CERS6: variants seen among roughly 807,000 people sequenced by gnomAD.
CERS6 encodes ceramide synthase 6.
In CERS6, 26 loss-of-function variants were observed where a neutral mutation model predicts 56.8. The observed-to-expected ratio is 0.46, with a 90% CI of 0.34 to 0.63. CERS6 has a LOEUF of 0.63. Among genes scored for constraint, CERS6 ranks in the 30% least tolerant of loss-of-function variants. CERS6 has a pLI of 0.01. For synonymous variants in CERS6, 164 were observed against 173.3 expected, an observed-to-expected ratio of 0.95 and a Z score of 0.42; for missense variants, 415 against 467.5, an observed-to-expected ratio of 0.89 and a Z score of 1.04.
chr2:168,606,070 G>A (rs1264863056), intron 3 of CERS6, among the ~76,000 whole-genome samples: 2 of 152,210 alleles, frequency 1.3e-5, no homozygotes, highest in Admixed American at 1.3e-4. Flanking sequence ...ACCTGGAAAA[G>A]CTGCAGTGCT....
intron 4 of CERS6, among the ~76,000 whole-genome samples, chr2:168,676,946 G>T (rs1236080924): frequency 1.3e-5 from 2 of 149,328 alleles, no homozygotes; most frequent in African/African-American, 5.0e-5. Context: ...CCACTGTCTT[G>T]TTTCCTGCTA....
At chr2:168,657,528 C>CA (rs1465642946) in intron 4 of CERS6, among the ~76,000 whole-genome samples, 1 of 152,236 alleles carries the variant, frequency 6.6e-6, no homozygotes, top group East Asian at 1.9e-4. Context: ...CACAGGAGCC[C>CA]ATGGAGTGGG....
intron 4 of CERS6, among the ~76,000 whole-genome samples, chr2:168,657,605 G>A (rs549684357): frequency 1.3e-5 from 2 of 152,220 alleles, no homozygotes; most frequent in African/African-American, 4.8e-5. Context: ...GCCAAGGCCC[G>A]GCGAGAAATC....
chr2:168,628,616 G>T (rs1034597696), intron 3 of CERS6, among the ~76,000 whole-genome samples: 3 of 152,168 alleles, frequency 2.0e-5, no homozygotes, highest in African/African-American at 7.2e-5. Context: ...AAGATATGGG[G>T]TGGGAGATTC....
chr2:168,744,241 A>G (rs973784317), intron 8 of CERS6, among the ~76,000 whole-genome samples: 12 of 151,824 alleles, frequency 7.9e-5, no homozygotes, highest in East Asian at 1.9e-4. Flanking sequence ...TCCTGACCTC[A>G]TGATCCGCCC....
chr2:168,695,000 G>C lies in CERS6; in HGVS notation c.558G>C (p.Leu186=), dbSNP rs751342702. ...TTCACTACTATTACATCCTGGAGCT[G>C]TCGTTTTATTGGTCTTTGATGTTTT... ...TDLHYYYILE[L]SFYWSLMFSQ... The change falls in exon 6 of 10, where the codon CTG becomes CTC. Residue 186 remains leucine (L), a synonymous_variant. Coordinates refer to ENST00000305747, the MANE Select transcript of CERS6 (RefSeq NM_203463.3). 9 of 1,613,476 alleles carry C rather than the reference G, an allele frequency of 5.6e-6. No homozygotes were observed. In the East Asian group the frequency reaches 1.3e-4, roughly 24 times the overall value.
Position 168,773,369 on chromosome 2 carries a change from T to C in CERS6, c.*3707T>C, listed in dbSNP as rs1684915690. ...AATCCTTTGGAAATAAAAAGTTAAATGTTTACATTTCATGTGGTATTTCAG... is the reference window on the plus strand; with the variant it reads ...AATCCTTTGGAAATAAAAAGTTAAACGTTTACATTTCATGTGGTATTTCAG... On this transcript the variant is annotated 3_prime_UTR_variant, in exon 10 of 10. Coordinates refer to ENST00000305747, the MANE Select transcript of CERS6 (RefSeq NM_203463.3). The C allele has an allele frequency of 6.6e-6, 1 of 152,250 alleles. No homozygotes were observed. The highest frequency in any genetic ancestry group is 6.5e-5 in the Admixed American group (1 of 15,284). 9.4% of individuals were successfully genotyped at this position (152,250 alleles called of 1,614,324 possible).
intron 6 of CERS6, among the ~76,000 whole-genome samples, chr2:168,699,440 C>T (rs1408756662): frequency 6.6e-6 from 1 of 152,150 alleles, no homozygotes; most frequent in Non-Finnish European, 1.5e-5. Flanking sequence ...CATTTTCAAA[C>T]AGGGACCAGG....
chr2:168,517,023 G>T (rs1200418783), intron 1 of CERS6, among the ~76,000 whole-genome samples: 3 of 152,028 alleles, frequency 2.0e-5, no homozygotes, highest in Non-Finnish European at 4.4e-5. Context: ...TGTTTAATGG[G>T]TGTTGTTTGG....
rs1336375823 is a variant in CERS6 at position 168,456,597 on chromosome 2, T to C, written c.149T>C (p.Met50Thr). 3.1e-5 allele frequency: 50 copies of C among 1,613,688 alleles called. No individual in the cohort carries two copies. The highest frequency in any genetic ancestry group is 4.2e-5 in the Non-Finnish European group (49 of 1,179,796). Reference protein sequence around the residue: ...LAFPLAFCIFMVRLIFERFVA... With the variant: ...LAFPLAFCIFTVRLIFERFVA... ...TTTCCCCTGGCCTTCTGTATCTTCA[T>C]GGTGCGGCTCATCTTCGAGAGGTAA... The change falls in exon 1 of 10, where the codon ATG (methionine) becomes ACG (threonine). Residue 50 changes from methionine (M) to threonine (T), a missense_variant. Physicochemically the swap from Met to Thr is moderately conservative, Grantham distance 81. Transcript: ENST00000305747. The surrounding 1 kb of genome is among the most constrained non-coding windows in gnomAD (Gnocchi z 4.1).
chr2:168,545,668 A>G (rs1482735341), intron 1 of CERS6, among the ~76,000 whole-genome samples: 1 of 152,262 alleles, frequency 6.6e-6, no homozygotes, highest in Non-Finnish European at 1.5e-5. Flanking sequence ...TAGCAACAAC[A>G]AAACATATTT....
intron 4 of CERS6, among the ~76,000 whole-genome samples, chr2:168,661,441 G>T (rs908961326): frequency 7.2e-5 from 11 of 152,178 alleles, no homozygotes; most frequent in Admixed American, 7.2e-4. Flanking sequence ...TAAGTGGAAA[G>T]GAGCACAGCG....
At chr2:168,600,300 G>C (rs1683903678) in intron 3 of CERS6, among the ~76,000 whole-genome samples, 1 of 151,274 alleles carries the variant, frequency 6.6e-6, no homozygotes, top group Non-Finnish European at 1.5e-5. Context: ...CGCCTCCCAG[G>C]TTCATGCCAT....
chr2:168,614,850 A>G (rs544577705), intron 3 of CERS6, among the ~76,000 whole-genome samples: 3 of 152,200 alleles, frequency 2.0e-5, no homozygotes, highest in African/African-American at 7.2e-5. Context: ...CCACTGCCTG[A>G]TGCTCCCTAT....
At chr2:168,651,348 A>C (rs545071971) in intron 4 of CERS6, among the ~76,000 whole-genome samples, 1 of 152,182 alleles carries the variant, frequency 6.6e-6, no homozygotes, top group Non-Finnish European at 1.5e-5. Flanking sequence ...ATTTATGTTC[A>C]TGTTAACTGT....
chr2:168,533,017 G>GA (rs1443188800), intron 1 of CERS6, among the ~76,000 whole-genome samples: 2 of 152,140 alleles, frequency 1.3e-5, no homozygotes, highest in Admixed American at 1.3e-4. Context: ...AAGTAGTACA[G>GA]AAAAGTATGA....
intron 4 of CERS6, among the ~76,000 whole-genome samples, chr2:168,648,312 G>A (rs1312229768): frequency 1.3e-5 from 2 of 152,126 alleles, no homozygotes; most frequent in Non-Finnish European, 2.9e-5. Context: ...GTGCGCAAAG[G>A]TGTTCCTAGT....
Position 168,771,218 on chromosome 2 carries a change from G to A in CERS6, c.*1556G>A, listed in dbSNP as rs1026296317. On this transcript the variant is annotated 3_prime_UTR_variant, in exon 10 of 10. Transcript: ENST00000305747. ...CACCAGAGAGTGCGTATCCTGCTCAGAACCATTCACATTTAATTCAATTCT... is the reference window on the plus strand; with the variant it reads ...CACCAGAGAGTGCGTATCCTGCTCAAAACCATTCACATTTAATTCAATTCT... 5.3e-5 allele frequency: 8 copies of A among 152,128 alleles called. No homozygotes were observed. The highest frequency in any genetic ancestry group is 1.9e-4 in the African/African-American group (8 of 41,422). The allele number at this position is 152,128 out of a possible 1,614,324, so 9.4% of individuals were successfully genotyped here.
At chr2:168,567,573 A>T (rs1258628547) in intron 3 of CERS6, among the ~76,000 whole-genome samples, 1 of 152,220 alleles carries the variant, frequency 6.6e-6, no homozygotes, top group Admixed American at 6.5e-5. Context: ...AATAAAAGCT[A>T]TTCTTAACCC....
Sources: gnomAD v4.1 joint callset for allele counts (sites outside exome capture counted in the v4.1 genomes callset) on GRCh38, gnomAD v4.1.1 for gene constraint, Gnocchi (gnomAD v3.1) non-coding constraint, MANE v1.5 for transcripts, NCBI Gene and HGNC (gene_info 2026-07-23, HGNC 2026-07-21) for gene names.